Variants in DSCAM observed in about 807,000 individuals in gnomAD.
The protein encoded by DSCAM is DS cell adhesion molecule, also known as cell adhesion molecule DSCAM.
DSCAM carries 47 observed loss-of-function variants against 217.7 expected under a neutral mutation model. That is an observed-to-expected ratio of 0.22 (90% CI 0.17 to 0.28). DSCAM has a LOEUF of 0.28. DSCAM is among the 10% of genes least tolerant of loss of function. The pLI, the probability that DSCAM is intolerant of heterozygous loss-of-function variation, is 1.00. For missense variants in DSCAM, 2,080 were observed against 2,618.3 expected (o/e 0.79, Z 4.49); for synonymous variants, 1,056 against 1,015.3 (o/e 1.04, Z -0.76).
At chr21:40,734,029 A>C (rs1048304790) in intron 1 of DSCAM, among the ~76,000 whole-genome samples, 1 of 152,176 alleles carries the variant, frequency 6.6e-6, no homozygotes, top group Non-Finnish European at 1.5e-5. Context: ...TTACTGTTGA[A>C]TCTTAAACAG....
chr21:40,680,374 A>G (rs917882741), intron 3 of DSCAM, among the ~76,000 whole-genome samples: 2 of 152,172 alleles, frequency 1.3e-5, no homozygotes, highest in Non-Finnish European at 2.9e-5. Flanking sequence ...TCATCTTTAT[A>G]AAAACACAGT....
intron 3 of DSCAM, among the ~76,000 whole-genome samples, chr21:40,507,405 A>G (rs868468485): frequency 2.0e-5 from 3 of 152,216 alleles, no homozygotes; most frequent in Middle Eastern, 3.2e-3. Flanking sequence ...ACGGGTAAAA[A>G]ATACGGCATT....
At chr21:40,390,610 C>A (rs2075125340) in intron 3 of DSCAM, among the ~76,000 whole-genome samples, 1 of 152,136 alleles carries the variant, frequency 6.6e-6, no homozygotes, top group Admixed American at 6.5e-5. Flanking sequence ...TCCGTACCTA[C>A]TCCAATGCCT....
chr21:40,222,750 T>C (rs2091299605), intron 11 of DSCAM, among the ~76,000 whole-genome samples: 2 of 152,234 alleles, frequency 1.3e-5, no homozygotes, highest in African/African-American at 4.8e-5. Flanking sequence ...GTGTAATCTC[T>C]AGTACAGCAA....
chr21:40,097,306 G>A (rs557298544), intron 20 of DSCAM, among the ~76,000 whole-genome samples: 2 of 152,286 alleles, frequency 1.3e-5, no homozygotes, highest in Admixed American at 1.3e-4. Flanking sequence ...TATGCAAAGT[G>A]TGTAATACCG....
intron 3 of DSCAM, among the ~76,000 whole-genome samples, chr21:40,485,969 CT>C (rs2076024766): frequency 6.6e-6 from 1 of 152,170 alleles, no homozygotes; most frequent in Non-Finnish European, 1.5e-5. Flanking sequence ...ACTGCATATT[CT>C]TTTAACTTGC....
rs150457393 is a variant in DSCAM at position 40,301,964 on chromosome 21, G to A, written c.2063-5790C>T. On this transcript the variant is annotated intron_variant, in intron 9 of 32. Transcript: ENST00000400454. ...CCAAGAAGATACAGAGCCTGAGATG[G>A]AAGGATGTGAAGCCTTTGGGACTGT... Among the ~76,000 whole-genome samples, 45 of 152,308 alleles carry A rather than the reference G, an allele frequency of 3.0e-4. No homozygotes were observed. In the East Asian group the frequency reaches 8.1e-3, roughly 27 times the overall value.
intron 3 of DSCAM, among the ~76,000 whole-genome samples, chr21:40,476,356 C>T (rs2075935773): frequency 6.6e-6 from 1 of 152,144 alleles, no homozygotes; most frequent in Admixed American, 6.5e-5. Context: ...AGTTTAGAGG[C>T]TAATATAACC....
At chr21:40,165,544 T>C (rs1463418323) in intron 16 of DSCAM, among the ~76,000 whole-genome samples, 1 of 152,238 alleles carries the variant, frequency 6.6e-6, no homozygotes, top group Admixed American at 6.5e-5. Flanking sequence ...TTTCACCCTT[T>C]GGCACTAAAG....
intron 1 of DSCAM, among the ~76,000 whole-genome samples, chr21:40,767,884 CTCTT>C (rs1016643720): frequency 2.7e-5 from 4 of 148,754 alleles, no homozygotes; most frequent in Non-Finnish European, 5.9e-5. Context: ...ACCATTTTCT[CTCTT>C]TCTCTCTCTC....
At chr21:40,760,172 T>G (rs1404519981) in intron 1 of DSCAM, among the ~76,000 whole-genome samples, 1 of 151,856 alleles carries the variant, frequency 6.6e-6, no homozygotes, top group Non-Finnish European at 1.5e-5. Flanking sequence ...TTTTGAAATT[T>G]TTTTTCATTT....
rs185989804 is a variant in DSCAM, at chr21:40,436,074, A to G, written c.509-66829T>C. On this transcript the variant is annotated intron_variant, in intron 3 of 32. Transcript: ENST00000400454. ...TGAGGTAGGCTAAGTATGATGTTCAATATGTTAGGCATATTAAATGCATTT... is the reference window on the plus strand; with the variant it reads ...TGAGGTAGGCTAAGTATGATGTTCAGTATGTTAGGCATATTAAATGCATTT... Among the ~76,000 whole-genome samples the G allele has an allele frequency of 5.3e-5, 8 of 152,286 alleles. 1 individual carries two copies. In the East Asian group the frequency reaches 1.2e-3, roughly 22 times the overall value.
intron 3 of DSCAM, among the ~76,000 whole-genome samples, chr21:40,640,182 A>G (rs908899102): frequency 5.3e-5 from 8 of 152,132 alleles, no homozygotes; most frequent in African/African-American, 1.9e-4. Flanking sequence ...AAATCAAGAG[A>G]AGTGGCAGAA....
intron 3 of DSCAM, among the ~76,000 whole-genome samples, chr21:40,565,048 T>C (rs1470074973): frequency 1.2e-4 from 18 of 152,134 alleles, no homozygotes; most frequent in Admixed American, 9.2e-4. Context: ...TTTAAGGCCA[T>C]GTTGTGAAGA....
chr21:40,503,275 A>C (rs78031292), intron 3 of DSCAM, among the ~76,000 whole-genome samples: 2 of 152,172 alleles, frequency 1.3e-5, no homozygotes, highest in Non-Finnish European at 2.9e-5. Flanking sequence ...GTCTTCTTCG[A>C]GCATTGCCCT....
At chr21:40,261,978 G>T (rs1313994089) in intron 11 of DSCAM, among the ~76,000 whole-genome samples, 1 of 151,758 alleles carries the variant, frequency 6.6e-6, no homozygotes, top group African/African-American at 2.4e-5. Context: ...ATCCTTTTAA[G>T]AAAAGGCACC....
intron 20 of DSCAM, among the ~76,000 whole-genome samples, chr21:40,114,351 G>C (rs1473958921): frequency 1.3e-5 from 2 of 151,208 alleles, no homozygotes; most frequent in African/African-American, 4.9e-5. Flanking sequence ...GGGAAAACTG[G>C]CTAGCCATAT....
rs1254168416 is a variant in DSCAM at position 40,013,331 on chromosome 21, A to T, written c.5742T>A (p.Gly1914=). 6.2e-7 allele frequency: 1 copy of T among 1,605,278 alleles called. No individual in the cohort carries two copies. The highest frequency in any genetic ancestry group is 1.3e-5 in the African/African-American group (1 of 74,548). ...YLRMDFLLNR[G]GPGTSRDLSL... ...TCAGGTCCCTGCTGGTGCCTGGACC[A>T]CCTCGGTTTAACAAAAAGTCCATTC... The change falls in exon 33 of 33, where the codon GGT becomes GGA. Residue 1914 remains glycine, a synonymous_variant. Transcript: ENST00000400454.
intron 22 of DSCAM, among the ~76,000 whole-genome samples, chr21:40,086,524 T>C (rs2089533976): frequency 6.6e-6 from 1 of 152,202 alleles, no homozygotes. Flanking sequence ...GGCATTCTTC[T>C]GAATCCATTA....
Sources: allele counts gnomAD v4.1 joint callset (sites outside exome capture counted in the v4.1 genomes callset), GRCh38; gene constraint gnomAD v4.1.1; transcripts MANE v1.5; gene names NCBI Gene and HGNC (gene_info 2026-07-23, HGNC 2026-07-21).